Variants in GRM1 observed in about 807,000 individuals in gnomAD.
GRM1 encodes glutamate metabotropic receptor 1.
Under a neutral mutation model 90.9 loss-of-function variants are expected in GRM1, and 33 were observed. That is an observed-to-expected ratio of 0.36 (90% CI 0.28 to 0.49). GRM1 has a LOEUF of 0.49. Among genes scored for constraint, GRM1 ranks in the 20% least tolerant of loss-of-function variants. The pLI is 0.99. For missense variants in GRM1, 1,190 were observed against 1,534.3 expected (o/e 0.78, Z 3.75); for synonymous variants, 700 against 613.2 (o/e 1.14, Z -2.09).
Position 146,391,754 on chromosome 6 carries a change from G to C in GRM1, c.1729+4738G>C, listed in dbSNP as rs362923. Among the ~76,000 whole-genome samples, 916 of 152,130 alleles carry C rather than the reference G, an allele frequency of 6.0e-3. 33 individuals carry two copies. The East Asian group carries it at 0.1, about 17-fold the overall frequency. ...AGGAAAAAGAATCTAAAACTTTTAA[G>C]AAACTTACTCAAAATATAGATTCTG... On this transcript the variant is annotated intron_variant, in intron 6 of 7. Coordinates refer to ENST00000282753, the MANE Select transcript of GRM1 (RefSeq NM_001278064.2).
chr6:146,270,229 T>TA (rs1562570478), intron 2 of GRM1, among the ~76,000 whole-genome samples: 1 of 152,042 alleles, frequency 6.6e-6, no homozygotes, highest in Non-Finnish European at 1.5e-5. Context: ...ATTATTTCCT[T>TA]AAAAAAAGAT....
chr6:146,232,925 A>C (rs1362126030), intron 2 of GRM1, among the ~76,000 whole-genome samples: 4 of 151,738 alleles, frequency 2.6e-5, no homozygotes, highest in African/African-American at 9.7e-5. Context: ...TGTTCATAGC[A>C]TTCCTTATTA....
intron 1 of GRM1, among the ~76,000 whole-genome samples, chr6:146,060,435 G>A (rs2128853526): frequency 6.6e-6 from 1 of 152,120 alleles, no homozygotes; most frequent in South Asian, 2.1e-4. Context: ...GGTGTCTGTT[G>A]TTCCTTTCTT....
intron 3 of GRM1, among the ~76,000 whole-genome samples, chr6:146,337,493 A>G (rs1363551354): frequency 6.6e-6 from 1 of 152,326 alleles, no homozygotes; most frequent in South Asian, 2.1e-4. Context: ...AAGGAACTAA[A>G]CTATATATGG....
At chr6:146,379,494 A>G (rs1365077652) in intron 5 of GRM1, among the ~76,000 whole-genome samples, 2 of 152,138 alleles carry the variant, frequency 1.3e-5, no homozygotes, top group East Asian at 1.9e-4. Flanking sequence ...GTTATCTTGA[A>G]TTTCTTTGAG....
At chr6:146,314,053 T>C (rs1340929030) in intron 3 of GRM1, among the ~76,000 whole-genome samples, 2 of 49,890 alleles carry the variant, frequency 4.0e-5, no homozygotes, top group African/African-American at 2.9e-4. Context: ...GTTAATTCCT[T>C]TTTTTTTTTT....
At chr6:146,410,420 A>G (rs61179404) in intron 7 of GRM1, among the ~76,000 whole-genome samples, 5,067 of 152,314 alleles carry the variant, frequency 0.033, 287 homozygotes, top group African/African-American at 0.11. Context: ...TTACAGGACA[A>G]CAATAAAATA....
chr6:146,034,969 G>A (rs1473537695), intron 1 of GRM1, among the ~76,000 whole-genome samples: 1 of 151,924 alleles, frequency 6.6e-6, no homozygotes, highest in Non-Finnish European at 1.5e-5. Flanking sequence ...GTAAGTAAAA[G>A]CAATCACAGT....
intron 1 of GRM1, among the ~76,000 whole-genome samples, chr6:146,032,763 A>G (rs973436595): frequency 2.0e-5 from 3 of 152,170 alleles, no homozygotes; most frequent in African/African-American, 7.2e-5. Context: ...TAGTCAATTC[A>G]TTATCATCGT....
rs1462019761 is a variant in GRM1, at chr6:146,437,461, A to T, written c.*2665A>T. ...GTACACATACATACCCTATACCAAG[A>T]GGGCCGAAACTCTTCACCTTGATGT... On this transcript the variant is annotated 3_prime_UTR_variant, in exon 8 of 8. Coordinates refer to ENST00000282753, the MANE Select transcript of GRM1 (RefSeq NM_001278064.2). 1 of 152,630 alleles carries T rather than the reference A, an allele frequency of 6.6e-6. No homozygotes were observed. Among genetic ancestry groups the T allele is most frequent in the Non-Finnish European group, 1.5e-5 (1 of 68,036 alleles). 9.5% of individuals were successfully genotyped at this position (152,630 alleles called of 1,614,324 possible).
At chr6:146,134,551 G>A (rs114482728) in intron 1 of GRM1, among the ~76,000 whole-genome samples, 1 of 152,232 alleles carries the variant, frequency 6.6e-6, no homozygotes, top group African/African-American at 2.4e-5. Context: ...TTCTTCACAT[G>A]GTGTCAGGAG....
At chr6:146,410,264 A>T (rs138765508) in intron 7 of GRM1, among the ~76,000 whole-genome samples, 133 of 152,024 alleles carry the variant, frequency 8.7e-4, no homozygotes, top group African/African-American at 3.1e-3. Context: ...TCCTTAATTT[A>T]AAAAAAATAC....
chr6:146,364,264 T>A (rs1337981334), intron 5 of GRM1, among the ~76,000 whole-genome samples: 1 of 152,232 alleles, frequency 6.6e-6, no homozygotes. Flanking sequence ...CTCCAGTGCA[T>A]GTGCTTCAAA....
chr6:146,397,668 T>C (rs942315155), intron 6 of GRM1, among the ~76,000 whole-genome samples: 8 of 152,084 alleles, frequency 5.3e-5, no homozygotes, highest in African/African-American at 1.9e-4. Context: ...TGACATCACC[T>C]GTAGCAATAC....
chr6:146,104,168 C>T (rs765930089), intron 1 of GRM1, among the ~76,000 whole-genome samples: 6 of 152,144 alleles, frequency 3.9e-5, no homozygotes, highest in South Asian at 2.1e-4. Flanking sequence ...CAGCTGGGCG[C>T]GGTGGCTTAC....
intron 2 of GRM1, among the ~76,000 whole-genome samples, chr6:146,206,750 C>A (rs2114632725): frequency 6.6e-6 from 1 of 152,116 alleles, no homozygotes; most frequent in Admixed American, 6.5e-5. Flanking sequence ...AGTACCCAAT[C>A]TTTTGGGTAC....
chr6:146,098,458 T>A (rs1293431389), intron 1 of GRM1, among the ~76,000 whole-genome samples: 1 of 151,348 alleles, frequency 6.6e-6, no homozygotes, highest in Admixed American at 6.6e-5. Flanking sequence ...AACATTTTTC[T>A]TTTTTTTTAG....
intron 2 of GRM1, among the ~76,000 whole-genome samples, chr6:146,249,279 A>G (rs912282290): frequency 6.6e-6 from 1 of 152,188 alleles, no homozygotes; most frequent in Non-Finnish European, 1.5e-5. Context: ...TCTCCAGGGC[A>G]TGTCACAGAC....
rs557514071 is a variant in GRM1 at position 146,321,866 on chromosome 6, G to A, written c.1186+17020G>A. The stretch of plus-strand genomic sequence containing the variant: ...TTTGAACTTATGTGTGTCTTTGCAC[G>A]TGAGATGGGTCTGCTGAATACATCA... On this transcript the variant is annotated intron_variant, in intron 3 of 7. Transcript: ENST00000282753. 5.3e-5 allele frequency among the ~76,000 whole-genome samples: 8 copies of A among 152,134 alleles called. No homozygotes were observed. In the South Asian group the frequency reaches 1.0e-3, roughly 20 times the overall value.
Sources: gnomAD v4.1 joint callset for allele counts (sites outside exome capture counted in the v4.1 genomes callset) on GRCh38, gnomAD v4.1.1 for gene constraint, MANE v1.5 for transcripts, NCBI Gene and HGNC (gene_info 2026-07-23, HGNC 2026-07-21) for gene names.